The following CACUL1 variants were observed in gnomAD, a reference collection of about 807,000 sequenced individuals.
CACUL1 encodes the protein CDK2-associated and cullin domain-containing protein 1.
In CACUL1, 13 loss-of-function variants were observed where a neutral mutation model predicts 45.2. The ratio of observed to expected loss-of-function variants is 0.29; its 90% CI spans 0.19 to 0.46. The LOEUF is 0.46. Ranked by LOEUF, CACUL1 falls within the 20% of genes least tolerant of loss-of-function variation. The pLI, the probability that CACUL1 is intolerant of heterozygous loss-of-function variation, is 1.00. For missense variants in CACUL1, 421 were observed against 471.4 expected (o/e 0.89, Z 0.99); for synonymous variants, 197 against 174.2 (o/e 1.13, Z -1.03).
chr10:118,724,168 T>C (rs953669897), intron 3 of CACUL1, among the ~76,000 whole-genome samples: 9 of 152,214 alleles, frequency 5.9e-5, no homozygotes, highest in Non-Finnish European at 1.0e-4. Flanking sequence ...GTACTTCAGA[T>C]TTAATGAGCC....
At chr10:118,700,941 C>T (rs919389642) in intron 5 of CACUL1, among the ~76,000 whole-genome samples, 3 of 152,124 alleles carry the variant, frequency 2.0e-5, no homozygotes, top group Non-Finnish European at 2.9e-5. Context: ...TTCTGTACTA[C>T]CATTTCAAAA....
At chr10:118,695,545 C>T (rs1845314350) in intron 5 of CACUL1, among the ~76,000 whole-genome samples, 2 of 152,196 alleles carry the variant, frequency 1.3e-5, no homozygotes, top group Non-Finnish European at 2.9e-5. Context: ...AAAGTGCTTC[C>T]ATTACATTTG....
At chr10:118,749,417 T>G (rs1458949665) in intron 1 of CACUL1, among the ~76,000 whole-genome samples, 1 of 152,204 alleles carries the variant, frequency 6.6e-6, no homozygotes, top group Non-Finnish European at 1.5e-5. Flanking sequence ...GGCAATATAC[T>G]GGGGTATTAC....
rs186970900 is a variant in CACUL1, at chr10:118,705,738, A to T, written c.693+1754T>A. Reference sequence around the variant, plus strand: ...AAGACACTAATTTTGACAAATATTTAAAAAAATTTGTTTCTGTGATATCAA... The same window carrying T: ...AAGACACTAATTTTGACAAATATTTTAAAAAATTTGTTTCTGTGATATCAA... On this transcript the variant is annotated intron_variant, in intron 4 of 8. Transcript: ENST00000369151. Among the ~76,000 whole-genome samples the T allele has an allele frequency of 4.0e-3, 613 of 152,330 alleles. 5 individuals carry two copies. Among genetic ancestry groups the T allele is most frequent in the African/African-American group, 0.012 (501 of 41,584 alleles).
At chr10:118,687,462 T>C (rs529766681) in intron 7 of CACUL1, among the ~76,000 whole-genome samples, 13 of 152,282 alleles carry the variant, frequency 8.5e-5, no homozygotes, top group African/African-American at 2.9e-4. Context: ...TTTTCCTCAT[T>C]CTGGGGCATT....
rs1458007386 is a variant in CACUL1, at chr10:118,684,509, G to T, written c.*1619C>A. 6.6e-6 allele frequency: 1 copy of T among 152,238 alleles called. No individual in the cohort carries two copies. 9.4% of individuals were successfully genotyped at this position (152,238 alleles called of 1,614,324 possible). On this transcript the variant is annotated 3_prime_UTR_variant, in exon 9 of 9. Coordinates refer to ENST00000369151, the MANE Select transcript of CACUL1 (RefSeq NM_153810.5). ...ATGCAATCCAGGATGCTCACAGAGT[G>T]AATTGAGTCCAATTAAAGTCCACAA...
chr10:118,703,643 T>C (rs914287840), intron 4 of CACUL1, among the ~76,000 whole-genome samples: 1 of 152,180 alleles, frequency 6.6e-6, no homozygotes, highest in African/African-American at 2.4e-5. Flanking sequence ...TAATGCGAAA[T>C]AGTCTTCCAA....
intron 3 of CACUL1, among the ~76,000 whole-genome samples, chr10:118,718,731 G>A (rs933240097): frequency 1.3e-5 from 2 of 151,994 alleles, no homozygotes; most frequent in East Asian, 1.9e-4. Flanking sequence ...CCGCCACCAC[G>A]CCCGGCTAAT....
At chr10:118,745,739 A>G (rs899163169) in intron 1 of CACUL1, among the ~76,000 whole-genome samples, 7 of 152,236 alleles carry the variant, frequency 4.6e-5, no homozygotes. Flanking sequence ...TATGTTGTCT[A>G]CAAGAAATGT....
At chr10:118,739,713 T>G (rs1349140951) in intron 1 of CACUL1, among the ~76,000 whole-genome samples, 1 of 152,204 alleles carries the variant, frequency 6.6e-6, no homozygotes, top group Non-Finnish European at 1.5e-5. Context: ...GTGGCAACTA[T>G]GCACTGGCCC....
At chr10:118,722,258 T>A (rs886879677) in intron 3 of CACUL1, among the ~76,000 whole-genome samples, 58 of 148,166 alleles carry the variant, frequency 3.9e-4, no homozygotes, top group Admixed American at 3.9e-3. Flanking sequence ...TAATTTTGTA[T>A]TTTTTTTTTA....
intron 1 of CACUL1, among the ~76,000 whole-genome samples, chr10:118,753,708 G>C (rs143139559): frequency 8.8e-4 from 134 of 152,276 alleles, no homozygotes; most frequent in African/African-American, 3.1e-3. Context: ...CCCAATCTTG[G>C]GTTTGGACAC....
intron 2 of CACUL1, among the ~76,000 whole-genome samples, 198 bp downstream of exon 2, chr10:118,730,085 TC>T (rs1159152235): frequency 1.3e-5 from 2 of 152,158 alleles, no homozygotes; most frequent in African/African-American, 4.8e-5. Context: ...GTGGCAGGCT[TC>T]CTCTGTCATG....
At chr10:118,742,062 C>A (rs182449159) in intron 1 of CACUL1, among the ~76,000 whole-genome samples, 3 of 152,304 alleles carry the variant, frequency 2.0e-5, no homozygotes, top group African/African-American at 7.2e-5. Context: ...AGCATTTAAT[C>A]ATAATGTATC....
chr10:118,709,842 A>G lies in CACUL1; in HGVS notation c.598-2255T>C, dbSNP rs186459959. ...GAATTGTCTTTATTTTTTCTAATTC[A>G]TCGTACTTACAGGTCTGGTGCACGC... On this transcript the variant is annotated intron_variant, in intron 3 of 8. Transcript: ENST00000369151. 1.1e-3 allele frequency among the ~76,000 whole-genome samples: 160 copies of G among 152,244 alleles called. 1 individual carries two copies. The highest frequency in any genetic ancestry group is 3.5e-3 in the African/African-American group (144 of 41,550).
At chr10:118,742,826 G>C (rs371550227) in intron 1 of CACUL1, among the ~76,000 whole-genome samples, 6 of 152,150 alleles carry the variant, frequency 3.9e-5, no homozygotes, top group African/African-American at 1.4e-4. Flanking sequence ...ATAGGAGACA[G>C]CTTACATTCC....
intron 3 of CACUL1, among the ~76,000 whole-genome samples, chr10:118,715,784 G>C (rs899718898): frequency 3.3e-5 from 5 of 152,138 alleles, no homozygotes. Context: ...AAGCATTCTG[G>C]TTGTCTTCAA....
intron 3 of CACUL1, among the ~76,000 whole-genome samples, chr10:118,712,071 T>A (rs992808529): frequency 6.6e-6 from 1 of 152,248 alleles, no homozygotes; most frequent in Admixed American, 6.5e-5. Flanking sequence ...CAAGCTTTGC[T>A]TTTTCCCCAA....
In CACUL1 at chr10:118,754,601, C is replaced by T. The variant is rs541658421; in HGVS notation, c.162G>A (p.Gly54=). 21 of 1,608,718 alleles carry T rather than the reference C, an allele frequency of 1.3e-5. No homozygotes were observed. Among genetic ancestry groups the T allele is most frequent in the Non-Finnish European group, 1.7e-5 (20 of 1,177,766 alleles). ...CCGCGGGCACCGCCAGCAGCTGCCC[C>T]CCCGGAGGCTCTCGGGCAGGGGCCG... The part of the protein sequence containing the change: ...SIPAPAREPP[G]GQLLAVPAVS... Residue 54 remains glycine (G), a synonymous_variant, in exon 1 of 9, where the codon GGG becomes GGA. Coordinates refer to ENST00000369151, the MANE Select transcript of CACUL1 (RefSeq NM_153810.5).
Sources: gnomAD v4.1 joint callset for allele counts (sites outside exome capture counted in the v4.1 genomes callset) on GRCh38, gnomAD v4.1.1 for gene constraint, MANE v1.5 for transcripts, NCBI Gene and HGNC (gene_info 2026-07-23, HGNC 2026-07-21) for gene names.